The following DYSF variants were observed in gnomAD, a reference collection of about 807,000 sequenced individuals.
DYSF encodes the protein dystrophy-associated fer-1-like 1.
Under a neutral mutation model 274.9 loss-of-function variants are expected in DYSF, and 212 were observed. The observed-to-expected ratio is 0.77, with a 90% confidence interval of 0.69 to 0.86. The LOEUF (loss-of-function observed/expected upper bound fraction) is 0.86, where lower values mean the gene tolerates loss of function less well. DYSF is among the 40% of genes least tolerant of loss of function. DYSF has a pLI of 0.00. For synonymous variants in DYSF, 1,091 were observed against 1,078.7 expected, an observed-to-expected ratio of 1.01 and a Z score of -0.22; for missense variants, 2,666 against 2,783.2, an observed-to-expected ratio of 0.96 and a Z score of 0.95.
At chr2:71,590,329 G>A in intron 32 of DYSF, 41 bp downstream of exon 32, 1 of 1,608,388 alleles carries the variant, frequency 6.2e-7, no homozygotes, top group Non-Finnish European at 8.5e-7. Context: ...ACTGTGGGCT[G>A]AGATCTGGGA....
Position 71,589,701 on chromosome 2 carries a change from G to C in DYSF, c.3496+15G>C. 6.2e-7 allele frequency: 1 copy of C among 1,610,290 alleles called. No individual in the cohort carries two copies. The highest frequency in any genetic ancestry group is 8.5e-7 in the Non-Finnish European group (1 of 1,176,514). On this transcript the variant is annotated intron_variant, in intron 31 of 55. Transcript: ENST00000410020. ...CATATTCGACTGTAAGTGAGGCTTC[G>C]AGGCCTCTATGGGGTGATAAGGGTG...
chr2:71,481,712 A>ATCCATCCATCCATCCATGCT (rs2082919245), intron 2 of DYSF, among the ~76,000 whole-genome samples, 167 bp from the exon 3 acceptor site: 2 of 151,280 alleles, frequency 1.3e-5, no homozygotes, highest in Non-Finnish European at 2.9e-5. Context: ...CCATCCATCC[A>ATCCATCCATCCATCCATGCT]TCCATCCATC....
chr2:71,577,379 T>A (rs1221463781), intron 30 of DYSF, among the ~76,000 whole-genome samples: 1 of 149,844 alleles, frequency 6.7e-6, no homozygotes, highest in Non-Finnish European at 1.5e-5. Context: ...ACATACACAC[T>A]CATACAACAC....
At chr2:71,676,471 C>T (rs1409423808) in intron 52 of DYSF, among the ~76,000 whole-genome samples, 2 of 151,910 alleles carry the variant, frequency 1.3e-5, no homozygotes, top group African/African-American at 4.8e-5. Flanking sequence ...ATTTTCAGAG[C>T]CTTTTATGTA....
intron 1 of DYSF, among the ~76,000 whole-genome samples, chr2:71,456,683 A>T (rs2152625545): frequency 6.6e-6 from 1 of 152,292 alleles, no homozygotes; most frequent in South Asian, 2.1e-4. Flanking sequence ...TGTGAGGTAG[A>T]GGGCAAAGAT....
In DYSF at chr2:71,608,815, T is replaced by C. The variant is rs1451007665; in HGVS notation, c.3958-2430T>C. ...CGTTTGGGGGCCTAGAGAGGAAATATTCTGGGAGGAATGTATTCATGAGTT... is the reference window on the plus strand; with the variant it reads ...CGTTTGGGGGCCTAGAGAGGAAATACTCTGGGAGGAATGTATTCATGAGTT... On this transcript the variant is annotated intron_variant, in intron 36 of 55. Coordinates refer to ENST00000410020, the MANE Select transcript of DYSF (RefSeq NM_001130987.2). 2.4e-4 allele frequency among the ~76,000 whole-genome samples: 37 copies of C among 152,164 alleles called. 1 individual carries two copies. Among genetic ancestry groups the C allele is most frequent in the Admixed American group, 2.4e-3 (37 of 15,284 alleles).
chr2:71,630,782 G>A (rs1159091757), intron 41 of DYSF, among the ~76,000 whole-genome samples: 1 of 152,206 alleles, frequency 6.6e-6, no homozygotes, highest in Non-Finnish European at 1.5e-5. Context: ...CCTAAGCCTA[G>A]GTCTGCTCTC....
chr2:71,650,373 C>T (rs1434334205), intron 42 of DYSF, among the ~76,000 whole-genome samples: 1 of 152,080 alleles, frequency 6.6e-6, no homozygotes, highest in Non-Finnish European at 1.5e-5. Context: ...TCTAGCTACT[C>T]AGGAGGCTGA....
chr2:71,572,933 G>A (rs543311443), intron 29 of DYSF, among the ~76,000 whole-genome samples: 1 of 152,282 alleles, frequency 6.6e-6, no homozygotes, highest in Non-Finnish European at 1.5e-5. Flanking sequence ...AGATGCCATG[G>A]GATACTGTCA....
intron 55 of DYSF, among the ~76,000 whole-genome samples, chr2:71,683,941 T>C (rs754711354): frequency 2.2e-4 from 34 of 152,272 alleles, no homozygotes; most frequent in Non-Finnish European, 4.6e-4. Flanking sequence ...ACAGCTGAAC[T>C]GAGAGGAGCT....
chr2:71,481,798 T>A, intron 2 of DYSF, 81 bp from the exon 3 acceptor site: 1 of 1,136,716 alleles, frequency 8.8e-7, no homozygotes, highest in South Asian at 1.3e-5. Flanking sequence ...CTCAGTGCCC[T>A]GGTGGCACGA....
chr2:71,574,519 G>A, intron 30 of DYSF, 148 bp downstream of exon 30: 1 of 1,007,342 alleles, frequency 9.9e-7, no homozygotes. Flanking sequence ...AGTACCTGTG[G>A]GGTGGCATGT....
chr2:71,620,620 T>TTTA lies in DYSF; in HGVS notation c.4527+12_4527+14dup, dbSNP rs1022164219. On this transcript the variant is annotated intron_variant, in intron 41 of 55. Transcript: ENST00000410020. ...CCATCCAGTCCTCATGTATGTACTG[T>TTTA]TTACTTATTTGTGGGCTCCTTGTAT... 4 of 1,551,164 alleles carry TTTA rather than the reference T, an allele frequency of 2.6e-6. No homozygotes were observed. The highest frequency in any genetic ancestry group is 3.5e-6 in the Non-Finnish European group (4 of 1,146,744).
intron 32 of DYSF, among the ~76,000 whole-genome samples, chr2:71,592,005 G>T (rs1357156282): frequency 1.3e-5 from 2 of 152,258 alleles, no homozygotes; most frequent in Non-Finnish European, 2.9e-5. Context: ...CTTGTCCTGG[G>T]AAACTTGTCC....
Position 71,513,328 on chromosome 2 carries a change from C to G in DYSF, c.549C>G (p.Pro183=), listed in dbSNP as rs2086299586. 4.5e-6 allele frequency: 7 copies of G among 1,551,612 alleles called. No homozygotes were observed. The highest frequency in any genetic ancestry group is 2.0e-5 in the Admixed American group (1 of 51,006). ...TRYSGKKWPA[P]TDTGGEEDTE... is the part of the protein sequence containing the mutation. ...ACTCTGGAAAGAAGTGGCCGGCCCC[C>G]ACGGGTGAGACACGGGCCAGGACTG... Residue 183 remains proline, a synonymous_variant, in exon 6 of 56, where the codon CCC becomes CCG. Transcript: ENST00000410020.
intron 14 of DYSF, among the ~76,000 whole-genome samples, chr2:71,534,545 C>T (rs2089101271): frequency 6.6e-6 from 1 of 152,190 alleles, no homozygotes; most frequent in South Asian, 2.1e-4. Context: ...ACTCTCTGAC[C>T]TCTGTGCATG....
chr2:71,601,639 G>A, intron 35 of DYSF, 111 bp downstream of exon 35: 2 of 1,445,586 alleles, frequency 1.4e-6, no homozygotes, highest in Non-Finnish European at 1.9e-6. Context: ...CCTGCCTCAA[G>A]CCCCCGGGGA....
intron 42 of DYSF, 75 bp downstream of exon 42, chr2:71,644,138 C>A: frequency 8.3e-7 from 1 of 1,211,110 alleles, no homozygotes; most frequent in Non-Finnish European, 1.2e-6. Flanking sequence ...AGAAAGAGAG[C>A]TCATGCAGTA....
chr2:71,564,237 C>T (rs368966065), intron 24 of DYSF, 24 bp downstream of exon 24: 1 of 1,614,102 alleles, frequency 6.2e-7, no homozygotes, highest in Non-Finnish European at 8.5e-7. Flanking sequence ...TTTCCCAAGT[C>T]ATGATCGTAT....
Sources: allele counts gnomAD v4.1 joint callset (sites outside exome capture counted in the v4.1 genomes callset), GRCh38; gene constraint gnomAD v4.1.1; transcripts MANE v1.5; gene names NCBI Gene and HGNC (gene_info 2026-07-23, HGNC 2026-07-21).